Variants in NOSIP observed in about 807,000 individuals in gnomAD.
NOSIP encodes nitric oxide synthase-interacting protein.
NOSIP carries 25 observed loss-of-function variants against 36.4 expected under a neutral mutation model. That is an observed-to-expected ratio of 0.69 (90% CI 0.50 to 0.96). The LOEUF (loss-of-function observed/expected upper bound fraction) is 0.96. Ranked by LOEUF, NOSIP falls within the 40% of genes least tolerant of loss-of-function variation. The pLI, the probability that NOSIP is intolerant of heterozygous loss-of-function variation, is 0.00. For missense variants in NOSIP, 370 were observed against 429.0 expected (o/e 0.86, Z 1.21); for synonymous variants, 187 against 179.2 (o/e 1.04, Z -0.35).
At position 49,565,762 on chromosome 19, in the gene NOSIP, G is replaced by GA. The variant is rs765027612; in HGVS notation, c.-1-5071dup. Among the ~76,000 whole-genome samples, 16 of 139,948 alleles carry GA rather than the reference G, an allele frequency of 1.1e-4. 1 individual carries two copies. Among genetic ancestry groups the GA allele is most frequent in the South Asian group, 9.4e-4 (4 of 4,256 alleles). 91.8% of individuals were successfully genotyped at this position (139,948 alleles called of 152,430 possible). On this transcript the variant is annotated intron_variant, in intron 1 of 8. Coordinates refer to ENST00000596358, the MANE Select transcript of NOSIP (RefSeq NM_001270960.2). ...AATAGAGTGAGAACCTGTCTCAAAAGAAAAAAAAAAGAAAGAAAGAAAGAA... is the reference window on the plus strand; with the variant it reads ...AATAGAGTGAGAACCTGTCTCAAAAGAAAAAAAAAAAGAAAGAAAGAAAGAA...
At chr19:49,577,780 A>AT (rs1463397336) in intron 1 of NOSIP, among the ~76,000 whole-genome samples, 2 of 151,474 alleles carry the variant, frequency 1.3e-5, no homozygotes, top group African/African-American at 2.4e-5. Context: ...AAAAAAAAAA[A>AT]AAAAGAAGTA....
chr19:49,563,387 G>A (rs1680102649), intron 1 of NOSIP, among the ~76,000 whole-genome samples: 1 of 151,964 alleles, frequency 6.6e-6, no homozygotes, highest in South Asian at 2.1e-4. Flanking sequence ...TGTTGCCCAG[G>A]TTGGCCTTGA....
At chr19:49,577,167 TA>T (rs2080564588) in intron 1 of NOSIP, among the ~76,000 whole-genome samples, 1 of 152,162 alleles carries the variant, frequency 6.6e-6, no homozygotes, top group East Asian at 1.9e-4. Flanking sequence ...GGTAGAAATG[TA>T]AAATGGTACA....
Position 49,560,818 on chromosome 19 carries a change from A to T in NOSIP, c.-1-126T>A. ...AAAGCGGAGGCGGAGAAGGGGGGTG[A>T]GGTGGAAGAGAGGGAGGGCATGTGG... On this transcript the variant is annotated intron_variant, in intron 1 of 8. Coordinates refer to ENST00000596358, the MANE Select transcript of NOSIP (RefSeq NM_001270960.2). This position sits in a 1 kb window ranked among gnomAD's most constrained non-coding sequence, Gnocchi z 4.6. 1 of 742,478 alleles carries T rather than the reference A, an allele frequency of 1.3e-6. No homozygotes were observed. The highest frequency in any genetic ancestry group is 1.6e-5 in the South Asian group (1 of 62,716). 46.0% of individuals were successfully genotyped at this position (742,478 alleles called of 1,614,324 possible).
chr19:49,558,644 CCACA>C, intron 4 of NOSIP: 1 of 495,880 alleles, frequency 2.0e-6, no homozygotes. Context: ...TGTCAGACAG[CCACA>C]TGTACAGCTA....
chr19:49,567,652 G>A (rs1008520152), intron 1 of NOSIP, among the ~76,000 whole-genome samples: 4 of 152,050 alleles, frequency 2.6e-5, no homozygotes, highest in Admixed American at 1.3e-4. Context: ...ATCAACAAGG[G>A]ACTAATATCA....
At chr19:49,566,923 C>T (rs765049931) in intron 1 of NOSIP, among the ~76,000 whole-genome samples, 1 of 148,438 alleles carries the variant, frequency 6.7e-6, no homozygotes, top group African/African-American at 2.5e-5. Context: ...CAAGCAAATT[C>T]TCCTGCCTCA....
intron 1 of NOSIP, among the ~76,000 whole-genome samples, chr19:49,569,571 C>A (rs2080458565): frequency 6.8e-6 from 1 of 147,980 alleles, no homozygotes; most frequent in South Asian, 2.3e-4. Flanking sequence ...CTTTAGGAGG[C>A]CGAGGTGGGC....
At chr19:49,559,883 G>A (rs757271965) in intron 3 of NOSIP, 51 bp downstream of exon 3, 39 of 1,377,572 alleles carry the variant, frequency 2.8e-5, no homozygotes, top group Non-Finnish European at 3.6e-5. Flanking sequence ...TCCTCCTGGC[G>A]GTTCCCTTGC....
At position 49,556,304 on chromosome 19, in the gene NOSIP, G is replaced by A. The variant is rs757274147; in HGVS notation, c.834+13C>T. 4.4e-6 allele frequency: 7 copies of A among 1,577,748 alleles called. No homozygotes were observed. The highest frequency in any genetic ancestry group is 3.4e-5 in the South Asian group (3 of 88,592). On this transcript the variant is annotated intron_variant, in intron 8 of 8. Coordinates refer to ENST00000596358, the MANE Select transcript of NOSIP (RefSeq NM_001270960.2). ...TTGGAGTGCTGGGGGAAGGGGAGGGGTGGGACTCTTACCCGCTGCAGCACG... is the reference window on the plus strand; with the variant it reads ...TTGGAGTGCTGGGGGAAGGGGAGGGATGGGACTCTTACCCGCTGCAGCACG...
In NOSIP at chr19:49,555,625, G is replaced by A. The variant is rs143185235; in HGVS notation, c.*126C>T. On this transcript the variant is annotated 3_prime_UTR_variant, in exon 9 of 9. Transcript: ENST00000596358. Reference sequence around the variant, plus strand: ...CCCGCTCTTTCAAACTCCAGCGTGCGCTGTAGGAGCACTGTTTGCACGGCC... The same window carrying A: ...CCCGCTCTTTCAAACTCCAGCGTGCACTGTAGGAGCACTGTTTGCACGGCC... The A allele has an allele frequency of 1.1e-3, 756 of 719,164 alleles. 1 individual carries two copies. Among genetic ancestry groups the A allele is most frequent in the Non-Finnish European group, 1.5e-3 (633 of 414,126 alleles). 44.5% of individuals were successfully genotyped at this position (719,164 alleles called of 1,614,324 possible).
chr19:49,559,037 G>T, intron 3 of NOSIP, 59 bp from the exon 4 acceptor site: 1 of 1,361,798 alleles, frequency 7.3e-7, no homozygotes. Context: ...TCGGCCTCCC[G>T]AAGTGCTGGG....
At chr19:49,569,862 G>A (rs1449292665) in intron 1 of NOSIP, among the ~76,000 whole-genome samples, 2 of 151,342 alleles carry the variant, frequency 1.3e-5, no homozygotes, top group Non-Finnish European at 2.9e-5. Flanking sequence ...CAGGTGGGGC[G>A]AGGTGGCTCA....
intron 1 of NOSIP, among the ~76,000 whole-genome samples, chr19:49,575,266 T>C (rs1427610663): frequency 6.6e-6 from 1 of 152,220 alleles, no homozygotes; most frequent in Non-Finnish European, 1.5e-5. Flanking sequence ...CCCACAGTGC[T>C]GGGATTATAG....
chr19:49,574,266 T>C lies in NOSIP; in HGVS notation c.-2+6249A>G, dbSNP rs975215751. On this transcript the variant is annotated intron_variant, in intron 1 of 8. Coordinates refer to ENST00000596358, the MANE Select transcript of NOSIP (RefSeq NM_001270960.2). ...CAGGGGGGCTTTTCAGAATGGAAGT[T>C]TGATTAAGTCACTCTCTTCAACTGC... Among the ~76,000 whole-genome samples the C allele has an allele frequency of 2.0e-5, 3 of 152,138 alleles. No individual in the cohort carries two copies. In the South Asian group the frequency reaches 6.2e-4, roughly 32 times the overall value.
At chr19:49,557,032 G>A in intron 5 of NOSIP, 39 bp from the exon 6 acceptor site, 1 of 1,589,004 alleles carries the variant, frequency 6.3e-7, no homozygotes, top group Non-Finnish European at 8.6e-7. Flanking sequence ...CGCCCCCTGG[G>A]CCCGCCCAGC....
At chr19:49,577,351 A>C (rs2080566956) in intron 1 of NOSIP, among the ~76,000 whole-genome samples, 1 of 151,634 alleles carries the variant, frequency 6.6e-6, no homozygotes, top group African/African-American at 2.4e-5. Context: ...GAGGTCAAGA[A>C]ATCGAGACCA....
At chr19:49,559,898 C>T in intron 3 of NOSIP, 36 bp downstream of exon 3, 1 of 1,523,320 alleles carries the variant, frequency 6.6e-7, no homozygotes, top group Non-Finnish European at 9.0e-7. Flanking sequence ...CCTTGCTCTC[C>T]CCACCCAGAC....
intron 1 of NOSIP, among the ~76,000 whole-genome samples, chr19:49,573,379 T>A (rs1466422679): frequency 6.6e-6 from 1 of 152,174 alleles, no homozygotes; most frequent in African/African-American, 2.4e-5. Context: ...AGGTTCTCCT[T>A]GCACTTGACC....
Sources: allele counts gnomAD v4.1 joint callset (sites outside exome capture counted in the v4.1 genomes callset), GRCh38; gene constraint gnomAD v4.1.1; non-coding constraint Gnocchi (gnomAD v3.1); transcripts MANE v1.5; gene names NCBI Gene and HGNC (gene_info 2026-07-23, HGNC 2026-07-21).